Variants in SBDS observed in about 807,000 individuals in gnomAD.
The protein encoded by SBDS is ribosome maturation protein SBDS.
Under a neutral mutation model 26.4 loss-of-function variants are expected in SBDS, and 20 were observed. The ratio of observed to expected loss-of-function variants is 0.76; its 90% CI spans 0.53 to 1.10. The LOEUF is 1.10. Ranked by LOEUF, SBDS falls within the 50% of genes least tolerant of loss-of-function variation. The pLI is 0.00. For missense variants in SBDS, 241 were observed against 302.0 expected (o/e 0.80, Z 1.50); for synonymous variants, 95 against 105.1 (o/e 0.90, Z 0.59).
intron 3 of SBDS, among the ~76,000 whole-genome samples, chr7:66,992,684 C>A (rs945187375): frequency 2.6e-5 from 4 of 151,968 alleles, no homozygotes; most frequent in Non-Finnish European, 4.4e-5. Context: ...TCCATGCAGA[C>A]CCATTTTTTT....
chr7:66,988,331 A>G lies in SBDS; in HGVS notation c.*40T>C. On this transcript the variant is annotated 3_prime_UTR_variant, in exon 5 of 5. Transcript: ENST00000246868. ...CATGAAACAGTGCCGTCGGAAACGG[A>G]AACACTTTAGTGTTTTAGAGGTGAA... The G allele has an allele frequency of 1.9e-6, 3 of 1,608,394 alleles. No homozygotes were observed. The highest frequency in any genetic ancestry group is 2.5e-6 in the Non-Finnish European group (3 of 1,178,112).
chr7:66,994,049 CA>C lies in SBDS; in HGVS notation c.258+162del, dbSNP rs1793033237. ...AAAAAAAAAAAAAAACCACAAAAAA[CA>C]AACAAAACCACCAAGTTCTTTATTA... On this transcript the variant is annotated intron_variant, in intron 2 of 4. Transcript: ENST00000246868. Among the ~76,000 whole-genome samples the C allele has an allele frequency of 4.3e-5, 5 of 115,628 alleles. No homozygotes were observed. The South Asian group carries it at 1.4e-3, about 32-fold the overall frequency. The allele number at this position is 115,628 out of a possible 152,430, so 75.9% of individuals were successfully genotyped here.
At chr7:66,988,653 G>T (rs948988387) in intron 4 of SBDS, among the ~76,000 whole-genome samples, 154 bp from the exon 5 acceptor site, 1 of 152,084 alleles carries the variant, frequency 6.6e-6, no homozygotes, top group African/African-American at 2.4e-5. Flanking sequence ...GGGTAGGGCG[G>T]CACACTGGGT....
chr7:66,994,687 T>C (rs1410014835), intron 1 of SBDS, among the ~76,000 whole-genome samples: 1 of 152,078 alleles, frequency 6.6e-6, no homozygotes, highest in Non-Finnish European at 1.5e-5. Flanking sequence ...AGAGATGGGG[T>C]TTCATGTTGG....
At chr7:66,991,986 T>C (rs1792985495) in intron 3 of SBDS, among the ~76,000 whole-genome samples, 1 of 152,102 alleles carries the variant, frequency 6.6e-6, no homozygotes, top group South Asian at 2.1e-4. Context: ...GTGCAGCTGT[T>C]TTAGAAATAG....
chr7:66,995,161 C>T (rs1312563560), intron 1 of SBDS, 129 bp downstream of exon 1: 1 of 1,306,428 alleles, frequency 7.7e-7, no homozygotes, highest in Non-Finnish European at 1.1e-6. Flanking sequence ...ATGCTCACAG[C>T]AGGAATGTTC....
intron 1 of SBDS, among the ~76,000 whole-genome samples, chr7:66,994,853 GAC>G (rs910469990): frequency 9.2e-5 from 14 of 152,164 alleles, no homozygotes; most frequent in African/African-American, 2.4e-5. Context: ...GTGGGGTGCA[GAC>G]AGCTGCTGCC....
rs1464055233 is a variant in SBDS at position 66,994,220 on chromosome 7, A to G, written c.250T>C (p.Cys84Arg). ...CTGCAGCTGTTACCCACCTGCTTAC[A>G]GATTTCAGTTTGGTCATCTGTTCCA... ...AFGTDDQTEI[C>R]KQILTKGEVQ... The change falls in exon 2 of 5, where the codon TGT becomes CGT. Residue 84 changes from cysteine to arginine, a missense_variant. Physicochemically the swap from Cys to Arg is radical, Grantham distance 180. Coordinates refer to ENST00000246868, the MANE Select transcript of SBDS (RefSeq NM_016038.4). The G allele has an allele frequency of 3.7e-6, 6 of 1,614,042 alleles. No individual in the cohort carries two copies. The highest frequency in any genetic ancestry group is 5.1e-6 in the Non-Finnish European group (6 of 1,180,020).
At chr7:66,994,066 T>G in intron 2 of SBDS, 146 bp downstream of exon 2, 1 of 713,058 alleles carries the variant, frequency 1.4e-6, no homozygotes, top group Non-Finnish European at 2.2e-6. Context: ...AACCACCAAG[T>G]TCTTTATTAT....
At position 66,988,018 on chromosome 7, in the gene SBDS, C is replaced by A. The variant is rs1792904184; in HGVS notation, c.*353G>T. 1 of 363,010 alleles carries A rather than the reference C, an allele frequency of 2.8e-6. No homozygotes were observed. The highest frequency in any genetic ancestry group is 5.2e-6 in the Non-Finnish European group (1 of 193,454). 22.5% of individuals were successfully genotyped at this position (363,010 alleles called of 1,614,324 possible). On this transcript the variant is annotated 3_prime_UTR_variant, in exon 5 of 5. Transcript: ENST00000246868. The stretch of plus-strand genomic sequence containing the variant: ...CCCCCTTTTGTTGTATAGACATACC[C>A]CTAATAATCTTACTCTACTGTACAA...
chr7:66,990,892 C>T (rs1230228527), intron 4 of SBDS, among the ~76,000 whole-genome samples: 1 of 152,028 alleles, frequency 6.6e-6, no homozygotes, highest in Non-Finnish European at 1.5e-5. Flanking sequence ...TGGCGGGTGC[C>T]TGTAGTCCCA....
intron 4 of SBDS, 134 bp downstream of exon 4, chr7:66,991,003 C>T (rs111510351): frequency 8.4e-5 from 67 of 798,526 alleles, no homozygotes; most frequent in East Asian, 4.9e-4. Flanking sequence ...GGCAACAGAG[C>T]GAGACTCCAT....
chr7:66,995,532 C>A lies in SBDS; in HGVS notation c.-115G>T, dbSNP rs1448154427. The stretch of plus-strand genomic sequence containing the variant: ...GATCGGCGCGCGGCACTGACCCAAC[C>A]ACCAGTGCGCGGCGCCGCGACTCAC... On this transcript the variant is annotated 5_prime_UTR_variant, in exon 1 of 5. Coordinates refer to ENST00000246868, the MANE Select transcript of SBDS (RefSeq NM_016038.4). The A allele has an allele frequency of 4.7e-6, 7 of 1,487,580 alleles. No individual in the cohort carries two copies. Among genetic ancestry groups the A allele is most frequent in the South Asian group, 1.2e-5 (1 of 86,322 alleles). The allele number at this position is 1,487,580 out of a possible 1,614,324, so 92.1% of individuals were successfully genotyped here.
In SBDS at chr7:66,995,557, C is replaced by G; in HGVS notation, c.-140G>C. ...CACCAGTGCGCGGCGCCGCGACTCA[C>G]TAGCTTCAGGCAGCCGTCACAGTGT... On this transcript the variant is annotated 5_prime_UTR_variant, in exon 1 of 5. Coordinates refer to ENST00000246868, the MANE Select transcript of SBDS (RefSeq NM_016038.4). The G allele has an allele frequency of 2.4e-6, 3 of 1,259,628 alleles. No homozygotes were observed. The highest frequency in any genetic ancestry group is 2.3e-6 in the Non-Finnish European group (2 of 888,780). The allele number at this position is 1,259,628 out of a possible 1,614,324, so 78.0% of individuals were successfully genotyped here.
chr7:66,995,040 C>T (rs879833756), intron 1 of SBDS: 10 of 570,072 alleles, frequency 1.8e-5, no homozygotes, highest in Admixed American at 3.0e-5. Flanking sequence ...TTCTTGGCTG[C>T]AGCTTTTATG....
intron 2 of SBDS, among the ~76,000 whole-genome samples, 163 bp downstream of exon 2, chr7:66,994,045 AAAAC>A (rs1042266858): frequency 1.3e-4 from 19 of 151,766 alleles, no homozygotes; most frequent in South Asian, 2.1e-4. Context: ...AAAACCACAA[AAAAC>A]AAACAAAACC....
chr7:66,990,020 C>T (rs1269426685), intron 4 of SBDS, among the ~76,000 whole-genome samples: 1 of 141,392 alleles, frequency 7.1e-6, no homozygotes. Flanking sequence ...AGAATTCAAT[C>T]TTTTTTTTTT....
chr7:66,993,127 G>A, intron 3 of SBDS, 90 bp downstream of exon 3: 1 of 1,191,904 alleles, frequency 8.4e-7, no homozygotes, highest in Non-Finnish European at 1.3e-6. Flanking sequence ...ATGAACCATT[G>A]TGCCTGGCCC....
rs772361567 is a variant in SBDS, at chr7:66,994,295, T to G, written c.175A>C (p.Asn59His). Residue 59 changes from asparagine (N) to histidine (H), a missense_variant, in exon 2 of 5, where the codon AAT becomes CAT. Coordinates refer to ENST00000246868, the MANE Select transcript of SBDS (RefSeq NM_016038.4). ...EVLQTHSVFV[N>H]VSKGQVAKKE... is the part of the protein sequence containing the mutation. ...TTGGCAACCTGACCTTTAGAAACATTTACAAACACTGAGTGGGTCTGCAGA... is the reference window on the plus strand; with the variant it reads ...TTGGCAACCTGACCTTTAGAAACATGTACAAACACTGAGTGGGTCTGCAGA... 1 of 1,614,092 alleles carries G rather than the reference T, an allele frequency of 6.2e-7. No individual in the cohort carries two copies. The highest frequency in any genetic ancestry group is 1.1e-5 in the South Asian group (1 of 91,088).
Sources: gnomAD v4.1 joint callset for allele counts (sites outside exome capture counted in the v4.1 genomes callset) on GRCh38, gnomAD v4.1.1 for gene constraint, MANE v1.5 for transcripts, NCBI Gene and HGNC (gene_info 2026-07-23, HGNC 2026-07-21) for gene names.